The following GPR149 variants were observed in gnomAD, a reference collection of about 807,000 sequenced individuals.
GPR149 encodes probable G protein-coupled receptor 149.
In GPR149, 50 loss-of-function variants were observed where a neutral mutation model predicts 50.2. That is an observed-to-expected ratio of 1.00 (90% CI 0.79 to 1.26). GPR149 has a LOEUF of 1.26. Ranked by LOEUF, GPR149 falls within the 50% of genes most tolerant of loss-of-function variation. GPR149 has a pLI of 0.00. For missense variants in GPR149, 983 were observed against 895.4 expected, an observed-to-expected ratio of 1.10 and a Z score of -1.25; for synonymous variants, 405 against 358.2, an observed-to-expected ratio of 1.13 and a Z score of -1.48.
chr3:154,399,532 C>G (rs549900249), intron 3 of GPR149, among the ~76,000 whole-genome samples: 8 of 152,182 alleles, frequency 5.3e-5, no homozygotes, highest in Non-Finnish European at 8.8e-5. Context: ...TTTCTAATCA[C>G]TCTGTATCCT....
chr3:154,359,377 C>T (rs923846263), intron 3 of GPR149, among the ~76,000 whole-genome samples: 6 of 152,128 alleles, frequency 3.9e-5, no homozygotes, highest in Non-Finnish European at 5.9e-5. Context: ...AAAGCAATGG[C>T]CATAACCATT....
At chr3:154,374,873 C>T (rs1714756037) in intron 3 of GPR149, among the ~76,000 whole-genome samples, 1 of 152,182 alleles carries the variant, frequency 6.6e-6, no homozygotes, top group Non-Finnish European at 1.5e-5. Context: ...CACATCCAAC[C>T]TTTCTAACAG....
chr3:154,356,737 G>A lies in GPR149; in HGVS notation c.1624-18466C>T, dbSNP rs1435697302. Among the ~76,000 whole-genome samples the A allele has an allele frequency of 1.2e-4, 18 of 152,170 alleles. No individual in the cohort carries two copies. In the East Asian group the frequency reaches 2.9e-3, roughly 25 times the overall value. ...CTCATGGGTAGGAAGAATCAATATT[G>A]TGAAAATGGCCATACTGCCCAAGGT... On this transcript the variant is annotated intron_variant, in intron 3 of 3. Transcript: ENST00000389740.
At chr3:154,397,553 T>C (rs1483203765) in intron 3 of GPR149, among the ~76,000 whole-genome samples, 1 of 150,822 alleles carries the variant, frequency 6.6e-6, no homozygotes, top group Non-Finnish European at 1.5e-5. Context: ...ATTATTCTAA[T>C]ATATTTTGTT....
chr3:154,364,843 G>T (rs1559975400), intron 3 of GPR149, among the ~76,000 whole-genome samples: 1 of 152,196 alleles, frequency 6.6e-6, no homozygotes, highest in Non-Finnish European at 1.5e-5. Flanking sequence ...AGCTGGGATT[G>T]CACTCTGGCA....
intron 3 of GPR149, among the ~76,000 whole-genome samples, chr3:154,355,650 C>T (rs988746871): frequency 1.3e-5 from 2 of 152,098 alleles, no homozygotes; most frequent in South Asian, 2.1e-4. Context: ...AAAGCATACA[C>T]TGATTGTAAT....
In GPR149 at chr3:154,410,458, C is replaced by T. The variant is rs185689665; in HGVS notation, c.1623+10581G>A. On this transcript the variant is annotated intron_variant, in intron 3 of 3. Transcript: ENST00000389740. ...GAATGGCAGAGTGGATAAGAGTTCA[C>T]TGACCAAGTTTCTGCCATCTTCAGG... Among the ~76,000 whole-genome samples the T allele has an allele frequency of 2.1e-3, 322 of 152,280 alleles. 1 individual carries two copies. The highest frequency in any genetic ancestry group is 7.1e-3 in the African/African-American group (295 of 41,550).
At chr3:154,366,674 C>T (rs1299195268) in intron 3 of GPR149, among the ~76,000 whole-genome samples, 1 of 152,216 alleles carries the variant, frequency 6.6e-6, no homozygotes, top group Non-Finnish European at 1.5e-5. Flanking sequence ...CAACCAATTG[C>T]CAGTCAGAAC....
At chr3:154,405,699 T>TA (rs1240516825) in intron 3 of GPR149, among the ~76,000 whole-genome samples, 2 of 149,808 alleles carry the variant, frequency 1.3e-5, no homozygotes, top group Admixed American at 1.3e-4. Context: ...TTTAAATAAA[T>TA]AATACTTTTT....
At chr3:154,369,934 A>C (rs1483480543) in intron 3 of GPR149, among the ~76,000 whole-genome samples, 1 of 152,182 alleles carries the variant, frequency 6.6e-6, no homozygotes, top group African/African-American at 2.4e-5. Context: ...AAAATTCCCC[A>C]CAGGGCAACA....
chr3:154,353,922 CTCTT>C, intron 3 of GPR149: 1 of 521,222 alleles, frequency 1.9e-6, no homozygotes, highest in Admixed American at 2.9e-5. Context: ...TAGGAGAAAG[CTCTT>C]TCTTTCTGTT....
At chr3:154,383,733 T>G (rs1192747594) in intron 3 of GPR149, among the ~76,000 whole-genome samples, 1 of 151,998 alleles carries the variant, frequency 6.6e-6, no homozygotes, top group South Asian at 2.1e-4. Context: ...CCCCCAAAAT[T>G]TGTATGTTGA....
Position 154,419,774 on chromosome 3 carries a change from C to T in GPR149, c.1623+1265G>A, listed in dbSNP as rs533801115. Reference sequence around the variant, plus strand: ...TCTAAGTGCAACACTAAGAGGTTTACATTATTCAGGAGCAAATTGGCGATG... The same window carrying T: ...TCTAAGTGCAACACTAAGAGGTTTATATTATTCAGGAGCAAATTGGCGATG... On this transcript the variant is annotated intron_variant, in intron 3 of 3. Transcript: ENST00000389740. 2.0e-5 allele frequency among the ~76,000 whole-genome samples: 3 copies of T among 152,148 alleles called. No homozygotes were observed. The South Asian group carries it at 6.2e-4, about 32-fold the overall frequency.
intron 3 of GPR149, among the ~76,000 whole-genome samples, chr3:154,406,854 G>A (rs150848636): frequency 1.4e-3 from 220 of 152,290 alleles, no homozygotes; most frequent in Non-Finnish European, 2.3e-3. Flanking sequence ...CCGTTCTCAC[G>A]TTGCTGATAA....
chr3:154,351,148 T>C (rs1714067679), intron 3 of GPR149, among the ~76,000 whole-genome samples: 1 of 151,714 alleles, frequency 6.6e-6, no homozygotes, highest in African/African-American at 2.4e-5. Flanking sequence ...AATTGAGTTG[T>C]TGCTAGAGGG....
chr3:154,370,381 C>T (rs1292479784), intron 3 of GPR149, among the ~76,000 whole-genome samples: 1 of 152,118 alleles, frequency 6.6e-6, no homozygotes, highest in African/African-American at 2.4e-5. Flanking sequence ...GACAGGCAGA[C>T]CTTGGTGGCT....
intron 3 of GPR149, among the ~76,000 whole-genome samples, chr3:154,351,922 A>T (rs145756572): frequency 9.8e-4 from 149 of 152,276 alleles, no homozygotes; most frequent in African/African-American, 3.2e-3. Context: ...TTCTAAAAAG[A>T]TAATAAAAGG....
chr3:154,421,284 G>A lies in GPR149; in HGVS notation c.1378C>T (p.Pro460Ser). 2 of 1,613,360 alleles carry A rather than the reference G, an allele frequency of 1.2e-6. No individual in the cohort carries two copies. The highest frequency in any genetic ancestry group is 1.7e-6 in the Non-Finnish European group (2 of 1,179,504). Residue 460 changes from proline to serine, a missense_variant, in exon 3 of 4, where the codon CCC becomes TCC. Coordinates refer to ENST00000389740, the MANE Select transcript of GPR149 (RefSeq NM_001038705.3). ...NAIKVEISTT[P>S]SLDSSTQRGI... is the part of the protein sequence containing the mutation. ...CTTTGTGTGGAGCTGTCCAGAGAGG[G>A]CGTGGTGCTGATTTCTACTTTTATA...
rs200348882 is a variant in GPR149 at position 154,428,765 on chromosome 3, C to A, written c.851G>T (p.Gly284Val). The change falls in exon 1 of 4, where the codon GGG becomes GTG. Residue 284 changes from glycine (G) to valine (V), a missense_variant. Coordinates refer to ENST00000389740, the MANE Select transcript of GPR149 (RefSeq NM_001038705.3). ...GTTCTCACGCCTGCAGGCTTCAGCC[C>A]CAGCGGCAGCGGGCGCACCCGGTCC... ...VFGPGAPAAA[G>V]AEACRRENRG... 1.2e-6 allele frequency: 2 copies of A among 1,613,926 alleles called. No homozygotes were observed. Among genetic ancestry groups the A allele is most frequent in the South Asian group, 2.2e-5 (2 of 91,078 alleles).
Sources: gnomAD v4.1 joint callset for allele counts (sites outside exome capture counted in the v4.1 genomes callset) on GRCh38, gnomAD v4.1.1 for gene constraint, MANE v1.5 for transcripts, NCBI Gene and HGNC (gene_info 2026-07-23, HGNC 2026-07-21) for gene names.